Variants in CADPS observed in about 807,000 individuals in gnomAD.
CADPS encodes the protein calcium-dependent secretion activator 1.
Under a neutral mutation model 167.3 loss-of-function variants are expected in CADPS, and 57 were observed. The observed-to-expected ratio is 0.34, with a 90% CI of 0.28 to 0.42. The LOEUF (loss-of-function observed/expected upper bound fraction) is 0.42. Ranked by LOEUF, CADPS falls within the 20% of genes least tolerant of loss-of-function variation. The pLI, the probability that CADPS is intolerant of heterozygous loss-of-function variation, is 1.00. For synonymous variants in CADPS, 676 were observed against 635.3 expected, an observed-to-expected ratio of 1.06 and a Z score of -0.96; for missense variants, 1,414 against 1,738.1, an observed-to-expected ratio of 0.81 and a Z score of 3.32.
intron 6 of CADPS, among the ~76,000 whole-genome samples, chr3:62,633,711 C>T (rs1210434670): frequency 2.2e-4 from 34 of 152,132 alleles, no homozygotes; most frequent in Admixed American, 2.2e-3. Flanking sequence ...TCCACCAAAT[C>T]ACCACCCTAC....
At chr3:62,823,017 T>C (rs1426202447) in intron 1 of CADPS, among the ~76,000 whole-genome samples, 1 of 152,058 alleles carries the variant, frequency 6.6e-6, no homozygotes, top group Non-Finnish European at 1.5e-5. Context: ...AGTCAGAAAA[T>C]TGCAAATGCT....
Position 62,486,159 on chromosome 3 carries a change from A to G in CADPS, c.3027-4290T>C, listed in dbSNP as rs563907237. On this transcript the variant is annotated intron_variant, in intron 21 of 29. Coordinates refer to ENST00000383710, the MANE Select transcript of CADPS (RefSeq NM_003716.4). ...AATAAAACCTATTTTCAAAAAAGATATTGATGGCCAGGTGCAGTGGCTCAC... is the reference window on the plus strand; with the variant it reads ...AATAAAACCTATTTTCAAAAAAGATGTTGATGGCCAGGTGCAGTGGCTCAC... Among the ~76,000 whole-genome samples, 32 of 152,348 alleles carry G rather than the reference A, an allele frequency of 2.1e-4. No individual in the cohort carries two copies. In the East Asian group the frequency reaches 6.0e-3, roughly 29 times the overall value.
At chr3:62,476,183 T>C (rs1490372403) in intron 23 of CADPS, among the ~76,000 whole-genome samples, 1 of 152,222 alleles carries the variant, frequency 6.6e-6, no homozygotes, top group Non-Finnish European at 1.5e-5. Context: ...GAGTGCCTTA[T>C]TGACTTTTTG....
intron 26 of CADPS, among the ~76,000 whole-genome samples, chr3:62,460,550 G>T (rs985942223): frequency 7.2e-5 from 11 of 152,152 alleles, no homozygotes; most frequent in Non-Finnish European, 1.5e-4. Context: ...CCCCACTCTA[G>T]AATTCAGACT....
chr3:62,779,476 C>A (rs2152629814), intron 1 of CADPS: 3 of 537,922 alleles, frequency 5.6e-6, no homozygotes, highest in Admixed American at 2.0e-5. Flanking sequence ...TGATCAAAAT[C>A]TGCCATCTTG....
At chr3:62,613,727 G>T (rs56056756) in intron 6 of CADPS, among the ~76,000 whole-genome samples, 22,017 of 152,126 alleles carry the variant, frequency 0.14, 1,907 homozygotes, top group Non-Finnish European at 0.2. Context: ...GAGACCAGGG[G>T]TATCATCTCC....
chr3:62,850,920 G>T lies in CADPS; in HGVS notation c.441+23669C>A, dbSNP rs369604106. ...ATGTGTGGGAGTCTAAGTCTCTTTG[G>T]AGGTCACTCAGGACTTGCTTTATGA... is the stretch of plus-strand genomic sequence containing the variant. On this transcript the variant is annotated intron_variant, in intron 1 of 29. Transcript: ENST00000383710. Among the ~76,000 whole-genome samples, 484 of 150,920 alleles carry T rather than the reference G, an allele frequency of 3.2e-3. 3 individuals carry two copies. The highest frequency in any genetic ancestry group is 0.011 in the African/African-American group (453 of 40,468).
rs533542044 is a variant in CADPS, at chr3:62,565,414, C to G, written c.1644+5458G>C. On this transcript the variant is annotated intron_variant, in intron 9 of 29. Coordinates refer to ENST00000383710, the MANE Select transcript of CADPS (RefSeq NM_003716.4). ...AGGGAATGAGACCCTTCACTTTAAG[C>G]GGGATAATGACCTCCAAGGCAGTGT... is the stretch of plus-strand genomic sequence containing the variant. 1.0e-3 allele frequency among the ~76,000 whole-genome samples: 154 copies of G among 152,208 alleles called. 1 individual carries two copies. The highest frequency in any genetic ancestry group is 3.4e-3 in the African/African-American group (143 of 41,532).
chr3:62,405,464 A>G (rs1708136437), intron 28 of CADPS, among the ~76,000 whole-genome samples: 1 of 151,388 alleles, frequency 6.6e-6, no homozygotes, highest in Non-Finnish European at 1.5e-5. Context: ...AAAAAAAAAA[A>G]TAAAATAACG....
intron 17 of CADPS, among the ~76,000 whole-genome samples, chr3:62,509,086 T>G (rs1266400239): frequency 2.0e-5 from 3 of 151,874 alleles, no homozygotes; most frequent in African/African-American, 4.8e-5. Flanking sequence ...GTGGATCACT[T>G]GAGGCCAGGA....
At chr3:62,686,788 C>T (rs891957952) in intron 3 of CADPS, among the ~76,000 whole-genome samples, 8 of 152,006 alleles carry the variant, frequency 5.3e-5, no homozygotes, top group Admixed American at 1.3e-4. Context: ...TTAAAATGAC[C>T]TTTTATTTAA....
At chr3:62,536,410 T>C (rs2074702040) in intron 12 of CADPS, 35 bp downstream of exon 12, 2 of 1,570,714 alleles carry the variant, frequency 1.3e-6, no homozygotes, top group Non-Finnish European at 1.7e-6. Flanking sequence ...AAAAATGTTA[T>C]GTTTAAATTG....
intron 6 of CADPS, among the ~76,000 whole-genome samples, chr3:62,621,892 TA>T (rs2063230789): frequency 2.4e-5 from 1 of 41,550 alleles, no homozygotes; most frequent in African/African-American, 5.5e-5. Flanking sequence ...CAGTCCTACT[TA>T]CTTCTTTTTT....
At chr3:62,820,133 A>G (rs931870256) in intron 1 of CADPS, among the ~76,000 whole-genome samples, 11 of 152,116 alleles carry the variant, frequency 7.2e-5, no homozygotes, top group African/African-American at 2.2e-4. Flanking sequence ...TAAAAGCCCA[A>G]TGATCCTGAA....
intron 11 of CADPS, among the ~76,000 whole-genome samples, chr3:62,541,359 C>T (rs930528749): frequency 6.6e-6 from 1 of 152,056 alleles, no homozygotes; most frequent in Non-Finnish European, 1.5e-5. Flanking sequence ...TGTTTCACTT[C>T]GGGGGTTTAA....
intron 6 of CADPS, among the ~76,000 whole-genome samples, chr3:62,632,940 C>T (rs1317524807): frequency 2.0e-5 from 3 of 152,094 alleles, no homozygotes; most frequent in African/African-American, 4.8e-5. Context: ...CAGTTCACAT[C>T]TGTACATCCA....
intron 28 of CADPS, among the ~76,000 whole-genome samples, chr3:62,418,161 T>C (rs1215316895): frequency 1.3e-5 from 2 of 152,068 alleles, no homozygotes; most frequent in East Asian, 1.9e-4. Flanking sequence ...TAGTATATAA[T>C]ATTTATATGA....
At chr3:62,516,711 G>T in intron 14 of CADPS, 68 bp from the exon 15 acceptor site, 1 of 1,100,886 alleles carries the variant, frequency 9.1e-7, no homozygotes, top group Non-Finnish European at 1.4e-6. Context: ...GCTGCAATTT[G>T]ATTCCTATAG....
chr3:62,669,980 T>G (rs2075217234), intron 3 of CADPS, among the ~76,000 whole-genome samples: 1 of 152,156 alleles, frequency 6.6e-6, no homozygotes, highest in Admixed American at 6.5e-5. Flanking sequence ...TGCCTGTAGT[T>G]TCAGAGATAA....
Sources: gnomAD v4.1 joint callset for allele counts (sites outside exome capture counted in the v4.1 genomes callset) on GRCh38, gnomAD v4.1.1 for gene constraint, MANE v1.5 for transcripts, NCBI Gene and HGNC (gene_info 2026-07-23, HGNC 2026-07-21) for gene names.